The following ADGRE3 variants were observed in gnomAD, a reference collection of about 807,000 sequenced individuals.
ADGRE3 encodes the protein adhesion G protein-coupled receptor E3.
ADGRE3 carries 88 observed loss-of-function variants against 80.1 expected under a neutral mutation model. That is an observed-to-expected ratio of 1.10 (90% CI 0.93 to 1.31). ADGRE3 has a LOEUF of 1.31. Ranked by LOEUF, ADGRE3 falls within the 40% of genes most tolerant of loss-of-function variation. The pLI, the probability that ADGRE3 is intolerant of heterozygous loss-of-function variation, is 0.00. For synonymous variants in ADGRE3, 281 were observed against 294.8 expected (o/e 0.95, Z 0.48); for missense variants, 715 against 776.5 (o/e 0.92, Z 0.94).
intron 7 of ADGRE3, among the ~76,000 whole-genome samples, chr19:14,649,942 A>T (rs1428398772): frequency 4.4e-5 from 1 of 22,738 alleles, no homozygotes. Context: ...ATCTCTCTCC[A>T]TCTCTTTCTC....
chr19:14,618,806 G>A (rs1410604322), downstream of ADGRE3, among the ~76,000 whole-genome samples: 2 of 124,272 alleles, frequency 1.6e-5, no homozygotes, highest in African/African-American at 3.1e-5. Context: ...CACTCACGCC[G>A]TTGCACTCCA....
At chr19:14,644,641 C>T (rs1470890987) in intron 8 of ADGRE3, among the ~76,000 whole-genome samples, 1 of 152,038 alleles carries the variant, frequency 6.6e-6, no homozygotes, top group Non-Finnish European at 1.5e-5. Flanking sequence ...TCTTTTTCCT[C>T]AGGAGGGACA....
At chr19:14,630,694 G>A (rs751370187) in intron 13 of ADGRE3, among the ~76,000 whole-genome samples, 11 of 152,084 alleles carry the variant, frequency 7.2e-5, no homozygotes, top group Non-Finnish European at 1.3e-4. Context: ...GATTAAAGGC[G>A]TGAACCACTG....
At chr19:14,643,537 C>T (rs1971311932) in intron 9 of ADGRE3, among the ~76,000 whole-genome samples, 2 of 152,122 alleles carry the variant, frequency 1.3e-5, no homozygotes, top group Non-Finnish European at 2.9e-5. Flanking sequence ...TCCCCCAATA[C>T]ACACCCTGAA....
the ADGRE3 span, among the ~76,000 whole-genome samples, chr19:14,609,370 C>T: frequency 6.6e-6 from 1 of 152,090 alleles, no homozygotes; most frequent in Admixed American, 6.6e-5. Flanking sequence ...ATCTAGCTTC[C>T]CTCACCTCTC....
chr19:14,620,548 T>TATATATTATA, intron 15 of ADGRE3, among the ~76,000 whole-genome samples: 3 of 24,978 alleles, frequency 1.2e-4, no homozygotes, highest in Admixed American at 7.8e-4. Context: ...TATATATATA[T>TATATATTATA]TATATATATA....
At chr19:14,655,207 C>T (rs768192943) in intron 5 of ADGRE3, 42 bp from the exon 6 acceptor site, 10 of 1,548,470 alleles carry the variant, frequency 6.5e-6, no homozygotes, top group Non-Finnish European at 8.8e-6. Flanking sequence ...AAAATGTAAT[C>T]TGGTAAGTCC....
Position 14,658,496 on chromosome 19 carries a change from G to T in ADGRE3, c.393+17C>A, listed in dbSNP as rs747448052. 11 of 1,547,654 alleles carry T rather than the reference G, an allele frequency of 7.1e-6. No individual in the cohort carries two copies. The highest frequency in any genetic ancestry group is 3.7e-5 in the Admixed American group (2 of 53,842). On this transcript the variant is annotated intron_variant, in intron 5 of 15. Transcript: ENST00000253673. ...GTTTGTTACCTGGGAAGGGTCTGGG[G>T]ATCAGCCTCCACTCACCTCTTTCCT...
downstream of ADGRE3, among the ~76,000 whole-genome samples, chr19:14,614,992 C>G (rs547645245): frequency 6.6e-6 from 1 of 151,126 alleles, no homozygotes; most frequent in African/African-American, 2.4e-5. Context: ...CTCAAGTGAT[C>G]CTCCCACCTC....
downstream of ADGRE3, among the ~76,000 whole-genome samples, chr19:14,615,966 CTTTTTTT>C (rs376499489): frequency 1.4e-5 from 2 of 141,398 alleles, no homozygotes; most frequent in Non-Finnish European, 3.1e-5. Flanking sequence ...CTCTGCCTTA[CTTTTTTT>C]TTTTTTTTTA....
In ADGRE3 at chr19:14,663,507, C is replaced by T. The variant is rs749965366; in HGVS notation, c.110G>A (p.Cys37Tyr). 8.1e-6 allele frequency: 13 copies of T among 1,613,258 alleles called. No individual in the cohort carries two copies. The highest frequency in any genetic ancestry group is 1.3e-5 in the African/African-American group (1 of 74,882). ...GCAGGTGCAGTGAGTGTTATTGACA[C>T]AGGAAGCATTTGGGGGGCACTTAGC... is the stretch of plus-strand genomic sequence containing the variant. ...SCAKCPPNAS[C>Y]VNNTHCTCNH... is the part of the protein sequence containing the mutation. The change falls in exon 3 of 16, where the codon TGT (cysteine) becomes TAT (tyrosine). Residue 37 changes from cysteine (C) to tyrosine (Y), a missense_variant. Transcript: ENST00000253673.
intron 9 of ADGRE3, among the ~76,000 whole-genome samples, chr19:14,643,581 A>T (rs1204670610): frequency 2.0e-5 from 3 of 152,174 alleles, no homozygotes; most frequent in Non-Finnish European, 1.5e-5. Flanking sequence ...CTGGCTGACA[A>T]CACTTCACAT....
chr19:14,664,084 G>A (rs1007404931), intron 2 of ADGRE3, among the ~76,000 whole-genome samples: 3 of 152,160 alleles, frequency 2.0e-5, no homozygotes, highest in African/African-American at 4.8e-5. Context: ...GTGGCCAGGC[G>A]TGGTGGCTCA....
intron 11 of ADGRE3, among the ~76,000 whole-genome samples, chr19:14,635,728 A>G (rs1309900419): frequency 1.3e-5 from 2 of 151,896 alleles, no homozygotes; most frequent in Non-Finnish European, 2.9e-5. Context: ...ATCTTATTTT[A>G]ATGCTAAAAT....
At chr19:14,635,671 C>T (rs1383422998) in intron 11 of ADGRE3, among the ~76,000 whole-genome samples, 3 of 152,206 alleles carry the variant, frequency 2.0e-5, no homozygotes, top group East Asian at 3.9e-4. Context: ...CCTCAGCCTC[C>T]CAAAGTGCTG....
At position 14,651,117 on chromosome 19, in the gene ADGRE3, C is replaced by CG. The variant is rs766523383; in HGVS notation, c.664dup (p.Arg222ProfsTer4). 1 of 1,614,024 alleles carries CG rather than the reference C, an allele frequency of 6.2e-7. No homozygotes were observed. The highest frequency in any genetic ancestry group is 1.1e-5 in the South Asian group (1 of 91,086). ...GTCTCCCTGGATGATGTCACTGCAA[C>CG]GGATGTCCATTGAGTTCATTTGGAC... On this transcript the variant is annotated frameshift_variant, in exon 7 of 16. Coordinates refer to ENST00000253673, the MANE Select transcript of ADGRE3 (RefSeq NM_032571.5). LOFTEE classifies it high-confidence loss of function.
At position 14,660,672 on chromosome 19, in the gene ADGRE3, C is replaced by T. The variant is rs74258480; in HGVS notation, c.355+1291G>A. Among the ~76,000 whole-genome samples the T allele has an allele frequency of 1.3e-3, 202 of 151,796 alleles. 3 individuals are homozygous for T. The East Asian group carries it at 0.031, about 23-fold the overall frequency. Reference sequence around the variant, plus strand: ...CTTATTATCCCTACGGTAGTCAATACCTCATGGGTGGTCTACCAAGTCTCA... The same window carrying T: ...CTTATTATCCCTACGGTAGTCAATATCTCATGGGTGGTCTACCAAGTCTCA... On this transcript the variant is annotated intron_variant, in intron 4 of 15. Transcript: ENST00000253673.
At chr19:14,620,551 T>TATA (rs1568471530) in intron 15 of ADGRE3, among the ~76,000 whole-genome samples, 7 of 23,414 alleles carry the variant, frequency 3.0e-4, no homozygotes, top group African/African-American at 3.7e-4. Context: ...ATATATATTA[T>TATA]ATATATATAT....
chr19:14,657,745 A>ATTT (rs1555762014), intron 5 of ADGRE3, among the ~76,000 whole-genome samples: 3,005 of 126,146 alleles, frequency 0.024, 103 homozygotes, highest in Admixed American at 0.11. Flanking sequence ...ATATATATAT[A>ATTT]TTTTTTTGTT....
Sources: gnomAD v4.1 joint callset for allele counts (sites outside exome capture counted in the v4.1 genomes callset) on GRCh38, gnomAD v4.1.1 for gene constraint, MANE v1.5 for transcripts, NCBI Gene and HGNC (gene_info 2026-07-23, HGNC 2026-07-21) for gene names.